HEXB: variants seen among roughly 807,000 people sequenced by gnomAD.
HEXB encodes beta-hexosaminidase subunit beta.
In HEXB, 51 loss-of-function variants were observed where a neutral mutation model predicts 71.2. The observed-to-expected ratio is 0.72, with a 90% confidence interval of 0.57 to 0.90. HEXB has a LOEUF of 0.90. Ranked by LOEUF, HEXB falls within the 40% of genes least tolerant of loss-of-function variation. The probability of loss-of-function intolerance (pLI) is 0.00; values close to 1 mark genes in which losing one functional copy is unlikely to be tolerated. For missense variants in HEXB, 617 were observed against 677.0 expected, an observed-to-expected ratio of 0.91 and a Z score of 0.98; for synonymous variants, 266 against 249.3, an observed-to-expected ratio of 1.07 and a Z score of -0.63.
At chr5:74,720,800 G>GTTTCT in intron 13 of HEXB, 53 bp downstream of exon 13, 2 of 1,376,640 alleles carry the variant, frequency 1.5e-6, no homozygotes, top group Admixed American at 1.7e-5. Context: ...TTCAGTGTTA[G>GTTTCT]TTTCTTTTGC....
chr5:74,693,725 T>C (rs1749052156), intron 3 of HEXB, 21 bp downstream of exon 3: 1 of 1,590,772 alleles, frequency 6.3e-7, no homozygotes, highest in East Asian at 2.2e-5. Context: ...TGCAGTTTCA[T>C]TGTTACTTTC....
chr5:74,715,161 T>C (rs2112174413), intron 7 of HEXB, among the ~76,000 whole-genome samples: 1 of 152,350 alleles, frequency 6.6e-6, no homozygotes. Flanking sequence ...TGTTGTTTTT[T>C]GTTAGCTTGT....
intron 6 of HEXB, among the ~76,000 whole-genome samples, chr5:74,711,990 A>T (rs1399451753): frequency 6.7e-6 from 1 of 148,290 alleles, no homozygotes; most frequent in Non-Finnish European, 1.5e-5. Flanking sequence ...ACGTATGTTT[A>T]TTGTGGCACT....
intron 1 of HEXB, among the ~76,000 whole-genome samples, chr5:74,678,091 G>A (rs1251619405): frequency 6.6e-6 from 1 of 152,146 alleles, no homozygotes; most frequent in Non-Finnish European, 1.5e-5. Flanking sequence ...GAGGTCAGGA[G>A]TTCGAGACCA....
chr5:74,711,511 G>GCC (rs1192195076), intron 6 of HEXB, among the ~76,000 whole-genome samples: 1 of 152,086 alleles, frequency 6.6e-6, no homozygotes, highest in Admixed American at 6.6e-5. Context: ...CCACAATATG[G>GCC]GAGAAAATTT....
chr5:74,691,362 C>T (rs1748999985), intron 2 of HEXB, among the ~76,000 whole-genome samples: 1 of 152,122 alleles, frequency 6.6e-6, no homozygotes, highest in South Asian at 2.1e-4. Context: ...ACACATAAAT[C>T]AAGGATGTTT....
intron 5 of HEXB, among the ~76,000 whole-genome samples, chr5:74,700,163 C>A (rs1749228582): frequency 6.6e-6 from 1 of 151,244 alleles, no homozygotes; most frequent in South Asian, 2.1e-4. Flanking sequence ...TGCACCACCA[C>A]ACCCGGCTAA....
chr5:74,720,529 T>C lies in HEXB; in HGVS notation c.1508+11T>C, dbSNP rs777774511. ...CACTCCAAGATTATGGTATGGGATT[T>C]ACCTGATAACATTTAAGAATTAAGG... is the stretch of plus-strand genomic sequence containing the variant. On this transcript the variant is annotated intron_variant, in intron 12 of 13. Transcript: ENST00000261416. The C allele has an allele frequency of 2.5e-6, 4 of 1,602,874 alleles. No homozygotes were observed. Among genetic ancestry groups the C allele is most frequent in the South Asian group, 1.1e-5 (1 of 90,884 alleles).
At chr5:74,668,182 C>G (rs999174741) in intron 1 of HEXB, among the ~76,000 whole-genome samples, 13 of 151,508 alleles carry the variant, frequency 8.6e-5, no homozygotes, top group African/African-American at 3.2e-4. Flanking sequence ...ACGCCTCTTC[C>G]AGCAGCTAGG....
At position 74,720,645 on chromosome 5, in the gene HEXB, C is replaced by A; in HGVS notation, c.1511C>A (p.Pro504His). ...DATNLTPRLWPRASAVGERLW... is the reference protein window; with the variant it reads ...DATNLTPRLWHRASAVGERLW... Reference sequence around the variant, plus strand: ...GGGATGTGTGATTTAAATTTTAGGCCTCGGGCAAGTGCTGTTGGTGAGAGA... The same window carrying A: ...GGGATGTGTGATTTAAATTTTAGGCATCGGGCAAGTGCTGTTGGTGAGAGA... The change falls in exon 13 of 14, where the codon CCT (proline) becomes CAT (histidine). Residue 504 changes from proline (P) to histidine (H), a missense_variant and splice_region_variant. Physicochemically the swap from Pro to His is moderately conservative, Grantham distance 77 (BLOSUM62 -2). Transcript: ENST00000261416. 1 of 1,613,838 alleles carries A rather than the reference C, an allele frequency of 6.2e-7. No individual in the cohort carries two copies. The highest frequency in any genetic ancestry group is 1.1e-5 in the South Asian group (1 of 91,072).
chr5:74,642,976 G>A (rs1028967246), intron 1 of HEXB, among the ~76,000 whole-genome samples: 5 of 152,164 alleles, frequency 3.3e-5, no homozygotes, highest in African/African-American at 7.2e-5. Flanking sequence ...TTCAGTGACC[G>A]TATACATTCG....
At chr5:74,703,417 C>T (rs1198492589) in intron 5 of HEXB, among the ~76,000 whole-genome samples, 1 of 152,140 alleles carries the variant, frequency 6.6e-6, no homozygotes, top group African/African-American at 2.4e-5. Flanking sequence ...TTTCTGTGTC[C>T]TCAGACTTTT....
rs375335360 is a variant in HEXB at position 74,720,910 on chromosome 5, G to A, written c.1613+163G>A. ...TACCTGTAAAGATATATTCAGACTT[G>A]TGACTGTTTTATAGATACAAAAAAT... On this transcript the variant is annotated intron_variant, in intron 13 of 13. Coordinates refer to ENST00000261416, the MANE Select transcript of HEXB (RefSeq NM_000521.4). 2.6e-5 allele frequency: 20 copies of A among 781,360 alleles called. No individual in the cohort carries two copies. The African/African-American group carries it at 2.8e-4, about 11-fold the overall frequency. 48.4% of individuals were successfully genotyped at this position (781,360 alleles called of 1,614,324 possible).
At chr5:74,695,234 T>C (rs62368221) in intron 3 of HEXB, among the ~76,000 whole-genome samples, 27,982 of 138,842 alleles carry the variant, frequency 0.2, 3,232 homozygotes, top group African/African-American at 0.27. Context: ...GACAGAATCT[T>C]GCTCTGTTGC....
intron 10 of HEXB, 148 bp downstream of exon 10, chr5:74,718,511 T>G: frequency 1.3e-6 from 1 of 752,902 alleles, no homozygotes; most frequent in Admixed American, 2.2e-5. Context: ...AAGCTAGGTT[T>G]GGTAGAAATA....
chr5:74,671,543 G>T (rs1024255205), intron 1 of HEXB, among the ~76,000 whole-genome samples: 3 of 152,158 alleles, frequency 2.0e-5, no homozygotes, highest in Non-Finnish European at 4.4e-5. Context: ...GGGGAGAGAA[G>T]GGTGAAGCGG....
intron 5 of HEXB, among the ~76,000 whole-genome samples, chr5:74,697,905 G>C (rs966791446): frequency 1.3e-5 from 2 of 151,868 alleles, no homozygotes; most frequent in Admixed American, 1.3e-4. Context: ...GGTGGTATGG[G>C]TTAGGAAGAA....
At chr5:74,682,146 C>G (rs995053602), upstream of HEXB, among the ~76,000 whole-genome samples, 7 of 152,234 alleles carry the variant, frequency 4.6e-5, no homozygotes, top group African/African-American at 1.4e-4. Context: ...ATCATGAGAT[C>G]AGGAGATCGA....
chr5:74,664,843 T>C (rs761568912), intron 1 of HEXB, among the ~76,000 whole-genome samples: 7 of 152,146 alleles, frequency 4.6e-5, no homozygotes, highest in Non-Finnish European at 8.8e-5. Flanking sequence ...ATGAATATCT[T>C]TACTATGGAA....
Sources: gnomAD v4.1 joint callset for allele counts (sites outside exome capture counted in the v4.1 genomes callset) on GRCh38, gnomAD v4.1.1 for gene constraint, MANE v1.5 for transcripts, NCBI Gene and HGNC (gene_info 2026-07-23, HGNC 2026-07-21) for gene names.